FBXO24: variants seen among roughly 807,000 people sequenced by gnomAD.
FBXO24 encodes the protein F-box only protein 24.
A neutral mutation model predicts 63.5 loss-of-function variants in FBXO24; 30 were observed. The observed-to-expected ratio is 0.47, with a 90% confidence interval of 0.35 to 0.64. The LOEUF is 0.64. Ranked by LOEUF, FBXO24 falls within the 30% of genes least tolerant of loss-of-function variation. The probability of loss-of-function intolerance (pLI) is 0.00; values close to 1 mark genes in which losing one functional copy is unlikely to be tolerated. For missense variants in FBXO24, 624 were observed against 763.4 expected (o/e 0.82, Z 2.15); for synonymous variants, 300 against 305.0 (o/e 0.98, Z 0.17).
In FBXO24 at chr7:100,586,335, TC is replaced by T; in HGVS notation, c.-290del. The T allele has an allele frequency of 3.0e-6, 2 of 665,582 alleles. No individual in the cohort carries two copies. The highest frequency in any genetic ancestry group is 2.7e-5 in the East Asian group (1 of 36,538). 41.2% of individuals were successfully genotyped at this position (665,582 alleles called of 1,614,324 possible). Reference sequence around the variant, plus strand: ...AGGGAGGGGAACAAGGATAGAGCGCTCGCCAACGGCCGACGCTCCAGGCCGT... The same window carrying T: ...AGGGAGGGGAACAAGGATAGAGCGCTGCCAACGGCCGACGCTCCAGGCCGT... On this transcript the variant is annotated 5_prime_UTR_variant, in exon 1 of 10. Coordinates refer to ENST00000241071, the MANE Select transcript of FBXO24 (RefSeq NM_033506.3).
chr7:100,600,155 C>A lies in FBXO24; in HGVS notation c.1331C>A (p.Pro444Gln), dbSNP rs747463977. The A allele has an allele frequency of 1.3e-6, 2 of 1,588,644 alleles. No homozygotes were observed. Among genetic ancestry groups the A allele is most frequent in the Admixed American group, 3.6e-5 (2 of 55,346 alleles). ...GCGCGAGGRL[P>Q]GWPKGSASFV... Reference sequence around the variant, plus strand: ...GGCTGTGGGGCTGGGGGCCGCCTCCCAGGCTGGCCCAAGGGGAGTGCCTCC... The same window carrying A: ...GGCTGTGGGGCTGGGGGCCGCCTCCAAGGCTGGCCCAAGGGGAGTGCCTCC... Residue 444 changes from proline (P) to glutamine (Q), a missense_variant, in exon 9 of 10, where the codon CCA (proline) becomes CAA (glutamine). Coordinates refer to ENST00000241071, the MANE Select transcript of FBXO24 (RefSeq NM_033506.3). The surrounding 1 kb of genome is among the most constrained non-coding windows in gnomAD (Gnocchi z 6.3).
At chr7:100,589,664 AC>A in intron 1 of FBXO24, 4 of 1,507,968 alleles carry the variant, frequency 2.7e-6, no homozygotes, top group Non-Finnish European at 3.6e-6. Context: ...GCCAGCAGGA[AC>A]GGGGGGGCCA....
chr7:100,599,293 G>C (rs1802467158), intron 8 of FBXO24, among the ~76,000 whole-genome samples: 1 of 152,028 alleles, frequency 6.6e-6, no homozygotes, highest in South Asian at 2.1e-4. Flanking sequence ...TAGAGTGGAG[G>C]CTGGGCTCAG....
intron 8 of FBXO24, among the ~76,000 whole-genome samples, chr7:100,597,024 G>A (rs535808739): frequency 6.6e-6 from 1 of 152,244 alleles, no homozygotes; most frequent in East Asian, 1.9e-4. Context: ...CCTGGGCAAC[G>A]GAGAGAGACT....
Position 100,586,406 on chromosome 7 carries a change from G to A in FBXO24, c.-220G>A. The A allele has an allele frequency of 1.6e-6, 1 of 637,626 alleles. No individual in the cohort carries two copies. Among genetic ancestry groups the A allele is most frequent in the South Asian group, 1.9e-5 (1 of 52,628 alleles). 39.5% of individuals were successfully genotyped at this position (637,626 alleles called of 1,614,324 possible). A position where few individuals can be genotyped will look rare whatever the true frequency, so the allele number is the denominator to read the frequency against. On this transcript the variant is annotated 5_prime_UTR_variant, in exon 1 of 10. Transcript: ENST00000241071. ...CCCAATCACAATGCTCAGATCGGGA[G>A]GTGGAGCCAATCAGGTCCAACCAAG...
In FBXO24 at chr7:100,600,521, C is replaced by T; in HGVS notation, c.1378-13C>T. The T allele has an allele frequency of 2.0e-6, 3 of 1,533,986 alleles. No homozygotes were observed. The highest frequency in any genetic ancestry group is 2.6e-6 in the Non-Finnish European group (3 of 1,141,192). On this transcript the variant is annotated splice_polypyrimidine_tract_variant and intron_variant, in intron 9 of 9. Transcript: ENST00000241071. This position sits in a 1 kb window ranked among gnomAD's most constrained non-coding sequence, Gnocchi z 6.3. ...CACCACTCAGCCATGCCCCCTTTCT[C>T]TCCTCCTCCAAGGTCCCTCTGTGTG...
chr7:100,599,973 C>T (rs1160759379), intron 8 of FBXO24, 58 bp from the exon 9 acceptor site: 6 of 1,434,464 alleles, frequency 4.2e-6, no homozygotes, highest in Admixed American at 2.0e-5. Flanking sequence ...CTTTTCCCAC[C>T]CCAGCCCCCC....
intron 8 of FBXO24, among the ~76,000 whole-genome samples, chr7:100,598,787 G>A (rs1425201708): frequency 6.6e-6 from 1 of 152,030 alleles, no homozygotes; most frequent in Non-Finnish European, 1.5e-5. Flanking sequence ...GACCAGCCTG[G>A]GCAACATGGT....
intron 3 of FBXO24, among the ~76,000 whole-genome samples, chr7:100,591,126 C>G (rs948359199): frequency 6.6e-6 from 1 of 150,836 alleles, no homozygotes; most frequent in African/African-American, 2.4e-5. Context: ...CAACCTCCAC[C>G]TCCCGGGTTC....
chr7:100,589,680 C>A, intron 1 of FBXO24: 1 of 1,536,608 alleles, frequency 6.5e-7, no homozygotes, highest in Non-Finnish European at 8.8e-7. Flanking sequence ...GGGCCAAGGG[C>A]CTAGGAGACA....
chr7:100,588,869 G>A (rs535925302), intron 1 of FBXO24, among the ~76,000 whole-genome samples: 7 of 152,124 alleles, frequency 4.6e-5, no homozygotes, highest in East Asian at 1.9e-4. Context: ...ATTCTCGCCC[G>A]GGCTGGAGTG....
At chr7:100,590,814 A>G (rs1010182500) in intron 3 of FBXO24, among the ~76,000 whole-genome samples, 2 of 152,100 alleles carry the variant, frequency 1.3e-5, no homozygotes, top group Non-Finnish European at 2.9e-5. Context: ...ATGCCCTTGA[A>G]GGACAAAATC....
At chr7:100,598,028 TC>T (rs1584433156) in intron 8 of FBXO24, among the ~76,000 whole-genome samples, 1 of 151,788 alleles carries the variant, frequency 6.6e-6, no homozygotes, top group African/African-American at 2.4e-5. Flanking sequence ...CCTGGCCCCA[TC>T]CCATTTTTTG....
intron 1 of FBXO24, chr7:100,586,865 CT>C: frequency 3.3e-6 from 2 of 605,828 alleles, no homozygotes; most frequent in East Asian, 3.2e-5. Flanking sequence ...GCGGGGGGAC[CT>C]CCGACTGTGA....
At position 100,589,773 on chromosome 7, in the gene FBXO24, G is replaced by A; in HGVS notation, c.40-204G>A. The A allele has an allele frequency of 2.6e-6, 4 of 1,537,674 alleles. No individual in the cohort carries two copies. The highest frequency in any genetic ancestry group is 2.6e-6 in the Non-Finnish European group (3 of 1,139,068). On this transcript the variant is annotated intron_variant, in intron 1 of 9. Coordinates refer to ENST00000241071, the MANE Select transcript of FBXO24 (RefSeq NM_033506.3). The stretch of plus-strand genomic sequence containing the variant: ...GCTGCAAAAATTCACCAGGCTGTGT[G>A]GACGGGAGGAGGGGCTCCGGGTGAG...
In FBXO24 at chr7:100,601,007, G is replaced by C; in HGVS notation, c.*108G>C. Reference sequence around the variant, plus strand: ...GCGTGTGGGAAGGGGTTGCTAGGGGGTGGGGACGGCTAACCAGGGTAAGAA... The same window carrying C: ...GCGTGTGGGAAGGGGTTGCTAGGGGCTGGGGACGGCTAACCAGGGTAAGAA... On this transcript the variant is annotated 3_prime_UTR_variant, in exon 10 of 10. Coordinates refer to ENST00000241071, the MANE Select transcript of FBXO24 (RefSeq NM_033506.3). 2.0e-6 allele frequency: 3 copies of C among 1,472,450 alleles called. No individual in the cohort carries two copies. In the South Asian group the frequency reaches 4.1e-5, roughly 20 times the overall value. The allele number at this position is 1,472,450 out of a possible 1,614,324, so 91.2% of individuals were successfully genotyped here.
At chr7:100,595,874 T>C (rs1802282874) in intron 8 of FBXO24, among the ~76,000 whole-genome samples, 168 bp downstream of exon 8, 1 of 152,170 alleles carries the variant, frequency 6.6e-6, no homozygotes, top group Admixed American at 6.6e-5. Flanking sequence ...TTACCCAGGG[T>C]TGGCACTACG....
At chr7:100,598,636 T>C (rs1347105903) in intron 8 of FBXO24, among the ~76,000 whole-genome samples, 1 of 152,142 alleles carries the variant, frequency 6.6e-6, no homozygotes, top group Admixed American at 6.6e-5. Context: ...AGCTTTTTTT[T>C]CAAAAACAGG....
Position 100,594,596 on chromosome 7 carries a change from C to T in FBXO24, c.952+55C>T, listed in dbSNP as rs950450870. On this transcript the variant is annotated intron_variant, in intron 6 of 9. Coordinates refer to ENST00000241071, the MANE Select transcript of FBXO24 (RefSeq NM_033506.3). This position sits in a 1 kb window ranked among gnomAD's most constrained non-coding sequence, Gnocchi z 4.2. ...CGCAGCCTTGGTTAGACCCTCTAAA[C>T]ATCAACACCCTTCACCCTTACTCCA... 2.2e-5 allele frequency: 32 copies of T among 1,455,190 alleles called. No homozygotes were observed. The highest frequency in any genetic ancestry group is 2.7e-5 in the Non-Finnish European group (30 of 1,101,202). The allele number at this position is 1,455,190 out of a possible 1,614,324, so 90.1% of individuals were successfully genotyped here. A position where few individuals can be genotyped will look rare whatever the true frequency, so the allele number is the denominator to read the frequency against.
Sources: gnomAD v4.1 joint callset for allele counts (sites outside exome capture counted in the v4.1 genomes callset) on GRCh38, gnomAD v4.1.1 for gene constraint, Gnocchi (gnomAD v3.1) non-coding constraint, MANE v1.5 for transcripts, NCBI Gene and HGNC (gene_info 2026-07-23, HGNC 2026-07-21) for gene names.